The following RUFY1 variants were observed in gnomAD, a reference collection of about 807,000 sequenced individuals.
The protein encoded by RUFY1 is RUN and FYVE domain containing 1.
Under a neutral mutation model 94.6 loss-of-function variants are expected in RUFY1, and 54 were observed. The observed-to-expected ratio is 0.57, with a 90% CI of 0.46 to 0.72. The LOEUF (loss-of-function observed/expected upper bound fraction) is 0.72, where lower values mean the gene tolerates loss of function less well. RUFY1 is among the 30% of genes least tolerant of loss of function. RUFY1 has a pLI of 0.00. For missense variants in RUFY1, 883 were observed against 883.9 expected (o/e 1.00, Z 0.01); for synonymous variants, 396 against 347.3 (o/e 1.14, Z -1.56).
intron 5 of RUFY1, among the ~76,000 whole-genome samples, chr5:179,573,608 C>T (rs1025780459): frequency 2.6e-5 from 4 of 152,078 alleles, no homozygotes; most frequent in Non-Finnish European, 4.4e-5. Context: ...CTGCAACCTC[C>T]GCCTCCTGGG....
chr5:179,562,575 AT>A lies in RUFY1; in HGVS notation c.514del (p.Ser172HisfsTer19). 1 of 1,610,348 alleles carries A rather than the reference AT, an allele frequency of 6.2e-7. No individual in the cohort carries two copies. Among genetic ancestry groups the A allele is most frequent in the Non-Finnish European group, 8.5e-7 (1 of 1,176,684 alleles). ...AGAAGAGTTTTATTGGCCAAAATAA[AT>A]CATTCTTTGGTCCTTTGGAGCTGGT... ...VKKSFIGQNK[S>X]FFGPLELVEK... is the part of the protein sequence containing the mutation. On this transcript the variant is annotated frameshift_variant, in exon 3 of 18. Coordinates refer to ENST00000319449, the MANE Select transcript of RUFY1 (RefSeq NM_025158.5). LOFTEE classifies it high-confidence loss of function.
chr5:179,575,205 G>A (rs78700484), intron 5 of RUFY1, among the ~76,000 whole-genome samples: 7,502 of 152,064 alleles, frequency 0.049, 220 homozygotes, highest in Non-Finnish European at 0.059. Context: ...GTCAGCAACA[G>A]CACTTAAACA....
intron 15 of RUFY1, among the ~76,000 whole-genome samples, chr5:179,605,123 A>C (rs902523967): frequency 6.6e-6 from 1 of 152,098 alleles, no homozygotes; most frequent in Non-Finnish European, 1.5e-5. Context: ...TAGAAAAAAT[A>C]CAAAAATTAG....
chr5:179,593,496 G>C lies in RUFY1; in HGVS notation c.1264G>C (p.Glu422Gln). Residue 422 changes from glutamate to glutamine, a missense_variant, in exon 11 of 18, where the codon GAG (glutamate) becomes CAG (glutamine). Glu to Gln is a conservative substitution (Grantham distance 29). Coordinates refer to ENST00000319449, the MANE Select transcript of RUFY1 (RefSeq NM_025158.5). ...TTTTAAGGAACTGGAAAAAGAACTG[G>C]AGTTACAAATTGGAATGAAAACCGA... ...KVRLELEKEL[E>Q]LQIGMKTEME... 6.3e-7 allele frequency: 1 copy of C among 1,597,142 alleles called. No homozygotes were observed. Among genetic ancestry groups the C allele is most frequent in the Non-Finnish European group, 8.6e-7 (1 of 1,164,590 alleles).
intron 12 of RUFY1, 35 bp downstream of exon 12, chr5:179,594,998 G>T: frequency 4.2e-6 from 6 of 1,418,068 alleles, no homozygotes; most frequent in Non-Finnish European, 6.0e-6. Flanking sequence ...TTCTCGGGAA[G>T]GCTCTGAGCA....
At chr5:179,596,894 C>G (rs1173870450) in intron 13 of RUFY1, 4 of 544,328 alleles carry the variant, frequency 7.3e-6, no homozygotes, top group Non-Finnish European at 1.2e-5. Flanking sequence ...CAGCTCGCCT[C>G]CAGAAGATCT....
intron 5 of RUFY1, 139 bp downstream of exon 5, chr5:179,569,564 G>A: frequency 2.5e-6 from 2 of 800,252 alleles, no homozygotes; most frequent in Non-Finnish European, 2.1e-6. Context: ...ATGCAGCTGG[G>A]GAAGGTCTCG....
At chr5:179,597,412 T>C (rs1329488026) in intron 13 of RUFY1, among the ~76,000 whole-genome samples, 2 of 152,160 alleles carry the variant, frequency 1.3e-5, no homozygotes, top group African/African-American at 2.4e-5. Context: ...ATTTTTTGTA[T>C]TTTTAGTAGA....
chr5:179,589,856 G>T (rs186497630), intron 9 of RUFY1, among the ~76,000 whole-genome samples: 45 of 152,334 alleles, frequency 3.0e-4, no homozygotes, highest in African/African-American at 9.4e-4. Context: ...TGGCCTGTGG[G>T]CCTTTGCATG....
chr5:179,563,155 G>T (rs992300494), intron 3 of RUFY1, among the ~76,000 whole-genome samples: 2 of 152,104 alleles, frequency 1.3e-5, no homozygotes, highest in Middle Eastern at 3.2e-3. Context: ...ATGGAATTTG[G>T]CATCTAGAAA....
At chr5:179,558,273 TATAAAAATA>T (rs1762207018) in intron 1 of RUFY1, among the ~76,000 whole-genome samples, 1 of 152,134 alleles carries the variant, frequency 6.6e-6, no homozygotes, top group Admixed American at 6.6e-5. Context: ...TCTCTCGAAA[TATAAAAATA>T]ATTATACTGG....
intron 8 of RUFY1, among the ~76,000 whole-genome samples, chr5:179,586,085 G>T (rs1764585954): frequency 6.6e-6 from 1 of 152,140 alleles, no homozygotes; most frequent in African/African-American, 2.4e-5. Flanking sequence ...AAGTGACTTA[G>T]ATTTTATCAC....
intron 2 of RUFY1, among the ~76,000 whole-genome samples, 170 bp from the exon 3 acceptor site, chr5:179,562,377 G>A (rs1326945804): frequency 2.0e-5 from 3 of 152,136 alleles, no homozygotes; most frequent in East Asian, 3.9e-4. Context: ...CTGCACTCTA[G>A]CCTGGGCAGT....
intron 17 of RUFY1, chr5:179,608,582 G>T (rs1314193904): frequency 4.9e-5 from 48 of 985,510 alleles, no homozygotes; most frequent in Non-Finnish European, 5.5e-5. Context: ...ACATGGACTA[G>T]CAGCTCACTG....
chr5:179,583,775 A>T (rs1317182099), intron 7 of RUFY1, among the ~76,000 whole-genome samples: 2 of 148,934 alleles, frequency 1.3e-5, no homozygotes, highest in African/African-American at 5.0e-5. Flanking sequence ...TTTGAGACAG[A>T]GTCCTGCTCT....
chr5:179,569,809 A>G (rs1763089828), intron 5 of RUFY1, among the ~76,000 whole-genome samples: 1 of 152,002 alleles, frequency 6.6e-6, no homozygotes, highest in South Asian at 2.1e-4. Context: ...CAGTGGCGCG[A>G]TCTCGGCTCC....
intron 3 of RUFY1, among the ~76,000 whole-genome samples, chr5:179,564,214 G>T (rs1296468020): frequency 1.3e-5 from 2 of 150,220 alleles, no homozygotes; most frequent in East Asian, 3.9e-4. Flanking sequence ...CCACCCCCTG[G>T]GTTCCAGCGA....
intron 6 of RUFY1, among the ~76,000 whole-genome samples, chr5:179,580,553 T>G (rs200382842): frequency 5.5e-5 from 4 of 72,078 alleles, no homozygotes; most frequent in East Asian, 1.5e-3. Flanking sequence ...GTTTTTTTTG[T>G]TTTTTTTTTT....
intron 14 of RUFY1, among the ~76,000 whole-genome samples, 195 bp downstream of exon 14, chr5:179,599,016 G>T (rs1447840279): frequency 3.3e-5 from 5 of 152,242 alleles, no homozygotes; most frequent in Non-Finnish European, 7.3e-5. Context: ...CCTGCTGGCA[G>T]CTCAGATAGA....
Sources: allele counts gnomAD v4.1 joint callset (sites outside exome capture counted in the v4.1 genomes callset), GRCh38; gene constraint gnomAD v4.1.1; transcripts MANE v1.5; gene names NCBI Gene and HGNC (gene_info 2026-07-23, HGNC 2026-07-21).